The following MYO1H variants were observed in gnomAD, a reference collection of about 807,000 sequenced individuals.
MYO1H encodes the protein myosin IH.
Under a neutral mutation model 149.3 loss-of-function variants are expected in MYO1H, and 118 were observed. That is an observed-to-expected ratio of 0.79 (90% confidence interval 0.68 to 0.92). The LOEUF (loss-of-function observed/expected upper bound fraction) is 0.92, where lower values mean the gene tolerates loss of function less well. MYO1H is among the 40% of genes least tolerant of loss of function. MYO1H has a pLI of 0.00. For missense variants in MYO1H, 1,212 were observed against 1,280.7 expected (o/e 0.95, Z 0.82); for synonymous variants, 447 against 465.2 (o/e 0.96, Z 0.50).
At chr12:109,420,928 G>T in intron 15 of MYO1H, 53 bp from the exon 16 acceptor site, 1 of 931,312 alleles carries the variant, frequency 1.1e-6, no homozygotes, top group Non-Finnish European at 1.7e-6. Context: ...GGATGGAATT[G>T]TATTTTTAGG....
the MYO1H span, among the ~76,000 whole-genome samples, chr12:109,336,588 G>T: frequency 6.6e-6 from 1 of 152,144 alleles, no homozygotes; most frequent in Admixed American, 6.5e-5. Context: ...AGTACCAACA[G>T]TTTAGCAATT....
intron 23 of MYO1H, among the ~76,000 whole-genome samples, chr12:109,439,298 C>T (rs749903350): frequency 6.6e-6 from 1 of 152,112 alleles, no homozygotes. Context: ...AGGCTAGTCT[C>T]GAATTCTTGA....
chr12:109,360,558 T>G (rs1250943348), intron 1 of MYO1H, among the ~76,000 whole-genome samples: 1 of 152,140 alleles, frequency 6.6e-6, no homozygotes, highest in Non-Finnish European at 1.5e-5. Flanking sequence ...AACACATAGT[T>G]TTCTAACTTC....
At chr12:109,321,161 C>T in the MYO1H span, among the ~76,000 whole-genome samples, 7 of 152,226 alleles carry the variant, frequency 4.6e-5, no homozygotes, top group Non-Finnish European at 4.4e-5. Context: ...GACTTATGTT[C>T]AACTAAGAAT....
intron 1 of MYO1H, among the ~76,000 whole-genome samples, chr12:109,378,770 G>A (rs1869140383): frequency 6.6e-6 from 1 of 152,126 alleles, no homozygotes; most frequent in Non-Finnish European, 1.5e-5. Context: ...GAGATTACAT[G>A]GTGTGAGAGG....
At chr12:109,421,129 T>C in intron 16 of MYO1H, 102 bp downstream of exon 16, 1 of 725,736 alleles carries the variant, frequency 1.4e-6, no homozygotes, top group Non-Finnish European at 2.3e-6. Context: ...TTTTTTTCCA[T>C]GCATCGTATT....
chr12:109,410,862 C>G (rs1012761910), intron 13 of MYO1H, 94 bp downstream of exon 13: 8 of 855,372 alleles, frequency 9.4e-6, no homozygotes, highest in Middle Eastern at 4.4e-4. Context: ...TTGAGCCAGG[C>G]CAGGCACGGT....
At chr12:109,444,571 A>C (rs1486239255) in intron 30 of MYO1H, 42 bp downstream of exon 30, 2 of 1,507,482 alleles carry the variant, frequency 1.3e-6, no homozygotes, top group Admixed American at 3.4e-5. Context: ...ATTCAATGTT[A>C]AAATGTTTAT....
chr12:109,388,726 G>A, exon 2 of MYO1H: 1 of 1,609,522 alleles, frequency 6.2e-7, no homozygotes, highest in Non-Finnish European at 8.5e-7. Flanking sequence ...CACATGGAAG[G>A]GGCGCTGACT....
chr12:109,400,436 T>C (rs1418265559), intron 5 of MYO1H, among the ~76,000 whole-genome samples: 4 of 152,248 alleles, frequency 2.6e-5, no homozygotes, highest in Non-Finnish European at 5.9e-5. Context: ...ATCTCCCTGG[T>C]GATGAATGAC....
chr12:109,443,730 G>T, intron 28 of MYO1H, 81 bp downstream of exon 28: 1 of 1,534,094 alleles, frequency 6.5e-7, no homozygotes, highest in South Asian at 1.2e-5. Context: ...TCCCAAATGG[G>T]AAACACAAGT....
chr12:109,335,563 T>TA, the MYO1H span, among the ~76,000 whole-genome samples: 3 of 140,306 alleles, frequency 2.1e-5, no homozygotes, highest in African/African-American at 5.1e-5. Context: ...TCTTCTTTTG[T>TA]AAAAAACAAA....
intron 21 of MYO1H, among the ~76,000 whole-genome samples, chr12:109,435,409 G>C (rs73194246): frequency 6.6e-6 from 1 of 152,096 alleles, no homozygotes; most frequent in African/African-American, 2.4e-5. Flanking sequence ...CCAGCCCCTT[G>C]AAATTAAAGT....
exon 17 of MYO1H, chr12:109,424,751 C>A: frequency 6.2e-7 from 1 of 1,613,278 alleles, no homozygotes; most frequent in Non-Finnish European, 8.5e-7. Context: ...CTTACAGGTG[C>A]TGTGCAAGTC....
the MYO1H span, among the ~76,000 whole-genome samples, chr12:109,335,587 A>C: frequency 1.9e-3 from 286 of 152,200 alleles, no homozygotes; most frequent in Non-Finnish European, 3.2e-3. Context: ...ACAAAAAAAA[A>C]ACTAATATTT....
chr12:109,410,801 C>T, intron 13 of MYO1H, 33 bp downstream of exon 13: 1 of 1,365,094 alleles, frequency 7.3e-7, no homozygotes, highest in Non-Finnish European at 1.0e-6. Context: ...TAGAGCTATT[C>T]ACCCGGCACT....
chr12:109,427,842 C>G (rs532983992), intron 19 of MYO1H, among the ~76,000 whole-genome samples: 2 of 118,542 alleles, frequency 1.7e-5, no homozygotes, highest in Admixed American at 2.0e-4. Flanking sequence ...GCCAGGAGTT[C>G]GAGACCGTCC....
chr12:109,446,704 C>T (rs887572459), intron 31 of MYO1H, among the ~76,000 whole-genome samples: 4 of 152,162 alleles, frequency 2.6e-5, no homozygotes, highest in Admixed American at 2.0e-4. Flanking sequence ...GCGGAGGTTG[C>T]AGTGAGCTGA....
the MYO1H span, among the ~76,000 whole-genome samples, chr12:109,332,224 G>A: frequency 6.6e-6 from 1 of 152,190 alleles, no homozygotes; most frequent in Non-Finnish European, 1.5e-5. Flanking sequence ...TGTAGTATTT[G>A]GAAATTGCAG....
Sources: gnomAD v4.1 joint callset for allele counts (sites outside exome capture counted in the v4.1 genomes callset) on GRCh38, gnomAD v4.1.1 for gene constraint, MANE v1.5 for transcripts, NCBI Gene and HGNC (gene_info 2026-07-23, HGNC 2026-07-21) for gene names.